CEP164: variants seen among roughly 807,000 people sequenced by gnomAD.
The protein encoded by CEP164 is centrosomal protein 164, also known as centrosomal protein of 164 kDa.
In CEP164, 162 loss-of-function variants were observed where a neutral mutation model predicts 182.7. The observed-to-expected ratio is 0.89, with a 90% CI of 0.78 to 1.01. CEP164 has a LOEUF of 1.01. CEP164 is among the 50% of genes least tolerant of loss of function. The probability of loss-of-function intolerance (pLI) is 0.00; values close to 1 mark genes in which losing one functional copy is unlikely to be tolerated. For synonymous variants in CEP164, 661 were observed against 690.0 expected (o/e 0.96, Z 0.66); for missense variants, 1,735 against 1,790.4 (o/e 0.97, Z 0.56).
intron 12 of CEP164, 148 bp downstream of exon 12, chr11:117,380,853 G>C: frequency 1.5e-6 from 1 of 670,620 alleles, no homozygotes; most frequent in South Asian, 1.8e-5. Context: ...TGCAGGGTCT[G>C]TGTGTGCACA....
Position 117,409,921 on chromosome 11 carries a change from C to T in CEP164, c.4052C>T (p.Thr1351Met), listed in dbSNP as rs199830715. 1.6e-5 allele frequency: 26 copies of T among 1,613,778 alleles called. 1 individual carries two copies. The highest frequency in any genetic ancestry group is 8.8e-5 in the South Asian group (8 of 91,086). ...AGGCTCCCCTCCTCTGTGGCTCAAACGGTGGACGACTTCCTGTTGGAGAAG... is the reference window on the plus strand; with the variant it reads ...AGGCTCCCCTCCTCTGTGGCTCAAATGGTGGACGACTTCCTGTTGGAGAAG... ...GPRLPSSVAQ[T>M]VDDFLLEKWR... Residue 1351 changes from threonine (T) to methionine (M), a missense_variant, in exon 30 of 33, where the codon ACG becomes ATG. By Grantham distance (81) the Thr-to-Met change is moderately conservative. Coordinates refer to ENST00000278935, the MANE Select transcript of CEP164 (RefSeq NM_014956.5). This position sits in a 1 kb window ranked among gnomAD's most constrained non-coding sequence, Gnocchi z 4.4.
At chr11:117,396,521 CAG>C in intron 25 of CEP164, 27 bp from the exon 26 acceptor site, 1 of 1,594,460 alleles carries the variant, frequency 6.3e-7, no homozygotes, top group Non-Finnish European at 8.6e-7. Context: ...TTGCTACACT[CAG>C]TGGACTTTTC....
intron 8 of CEP164, among the ~76,000 whole-genome samples, chr11:117,370,347 T>C (rs2042081195): frequency 6.6e-6 from 1 of 152,190 alleles, no homozygotes; most frequent in East Asian, 1.9e-4. Flanking sequence ...AATAGAAAAT[T>C]GAGACTTTGC....
chr11:117,367,510 G>A (rs2041775260), intron 8 of CEP164, among the ~76,000 whole-genome samples: 1 of 152,174 alleles, frequency 6.6e-6, no homozygotes, highest in Admixed American at 6.5e-5. Flanking sequence ...TGTAAGAATG[G>A]GAATCTCTCT....
At chr11:117,373,698 A>G in intron 9 of CEP164, 53 bp from the exon 10 acceptor site, 2 of 1,511,896 alleles carry the variant, frequency 1.3e-6, no homozygotes, top group South Asian at 2.3e-5. Context: ...GGTAGGGACC[A>G]TGACTCTTTG....
intron 1 of CEP164, among the ~76,000 whole-genome samples, chr11:117,331,778 ACT>A (rs1264658790): frequency 1.4e-5 from 2 of 147,608 alleles, no homozygotes; most frequent in African/African-American, 5.0e-5. Context: ...ATAGGGTCTC[ACT>A]CTGTTGCCCA....
Position 117,391,356 on chromosome 11 carries a change from C to T in CEP164, c.2283+141C>T, listed in dbSNP as rs1039100529. 6.7e-6 allele frequency: 5 copies of T among 742,414 alleles called. No individual in the cohort carries two copies. In the African/African-American group the frequency reaches 7.0e-5, roughly 10 times the overall value. 46.0% of individuals were successfully genotyped at this position (742,414 alleles called of 1,614,324 possible). ...CCAGGTGGAGAGTAGGTCTCACACA[C>T]ACAGGCATGGGAGACAGCGAGATGA... On this transcript the variant is annotated intron_variant, in intron 17 of 32. Transcript: ENST00000278935.
chr11:117,331,981 A>AATATATATATATATAT (rs56696952), intron 1 of CEP164, among the ~76,000 whole-genome samples: 7 of 142,316 alleles, frequency 4.9e-5, no homozygotes, highest in African/African-American at 1.8e-4. Flanking sequence ...ATGCCTGGCT[A>AATATATATATATATAT]ATATATATAT....
rs1163979454 is a variant in CEP164, at chr11:117,354,895, GTCTTCGTTT to G, written c.393+2911_393+2919del. On this transcript the variant is annotated intron_variant, in intron 5 of 32. Transcript: ENST00000278935. ...AGCAAGTGTAAATCAGAAGTGCTTT[GTCTTCGTTT>G]TCTCTGCATGTTTATATACCCATCT... The G allele has an allele frequency of 2.4e-6, 3 of 1,227,280 alleles. No homozygotes were observed. In the South Asian group the frequency reaches 4.2e-5, roughly 17 times the overall value. 76.0% of individuals were successfully genotyped at this position (1,227,280 alleles called of 1,614,324 possible).
chr11:117,409,974 C>T lies in CEP164; in HGVS notation c.4096+9C>T, dbSNP rs2047148095. On this transcript the variant is annotated intron_variant, in intron 30 of 32. Transcript: ENST00000278935. This position sits in a 1 kb window ranked among gnomAD's most constrained non-coding sequence, Gnocchi z 4.4. ...GCGCAAGTATTTTCCATGTAAGCCC[C>T]ACTCTGGGCGGAGCCTTCCCACCTG... 2 of 1,613,526 alleles carry T rather than the reference C, an allele frequency of 1.2e-6. No homozygotes were observed. The highest frequency in any genetic ancestry group is 1.7e-6 in the Non-Finnish European group (2 of 1,179,620).
rs950712904 is a variant in CEP164 at position 117,409,195 on chromosome 11, G to A, written c.3748+167G>A. ...GCTGGGAAGGAATCACACCATCTAGGTTTGCCAGCACGTGGGGCTGAAAGG... is the reference window on the plus strand; with the variant it reads ...GCTGGGAAGGAATCACACCATCTAGATTTGCCAGCACGTGGGGCTGAAAGG... On this transcript the variant is annotated intron_variant, in intron 29 of 32. Transcript: ENST00000278935. The surrounding 1 kb of genome is among the most constrained non-coding windows in gnomAD (Gnocchi z 4.4). 1.1e-5 allele frequency: 10 copies of A among 916,996 alleles called. No individual in the cohort carries two copies. The highest frequency in any genetic ancestry group is 1.6e-5 in the Non-Finnish European group (10 of 618,022). 56.8% of individuals were successfully genotyped at this position (916,996 alleles called of 1,614,324 possible). A position where few individuals can be genotyped will look rare whatever the true frequency, so the allele number is the denominator to read the frequency against.
intron 5 of CEP164, among the ~76,000 whole-genome samples, chr11:117,352,397 G>C (rs532668097): frequency 6.6e-6 from 1 of 152,266 alleles, no homozygotes; most frequent in East Asian, 1.9e-4. Flanking sequence ...GGCCTCCCTA[G>C]TGTGGGTTCC....
intron 27 of CEP164, among the ~76,000 whole-genome samples, chr11:117,401,846 G>A (rs945588390): frequency 6.6e-6 from 1 of 151,996 alleles, no homozygotes; most frequent in Non-Finnish European, 1.5e-5. Context: ...TTTTTATTGT[G>A]TCTATTTGAT....
At chr11:117,370,682 G>A (rs538823572) in intron 8 of CEP164, among the ~76,000 whole-genome samples, 7 of 152,240 alleles carry the variant, frequency 4.6e-5, no homozygotes, top group South Asian at 4.1e-4. Flanking sequence ...AGGCTGAGGC[G>A]GGTGGATTGC....
intron 13 of CEP164, among the ~76,000 whole-genome samples, chr11:117,382,547 G>C (rs540242315): frequency 3.3e-5 from 5 of 152,304 alleles, no homozygotes; most frequent in Non-Finnish European, 7.4e-5. Context: ...CTGAACACCT[G>C]CTGTGTACGG....
upstream of CEP164, among the ~76,000 whole-genome samples, chr11:117,324,691 A>G (rs938969861): frequency 4.6e-5 from 7 of 152,140 alleles, no homozygotes; most frequent in African/African-American, 1.2e-4. Context: ...ACAAGAGTTA[A>G]GCATTTGGAT....
chr11:117,390,716 A>G, intron 15 of CEP164, 61 bp from the exon 16 acceptor site: 1 of 1,604,762 alleles, frequency 6.2e-7, no homozygotes, highest in Non-Finnish European at 8.5e-7. Flanking sequence ...GCCATAGCTT[A>G]TGAATAGAAG....
intron 4 of CEP164, among the ~76,000 whole-genome samples, chr11:117,345,824 A>T (rs969074149): frequency 3.3e-5 from 5 of 151,982 alleles, no homozygotes; most frequent in South Asian, 2.1e-4. Flanking sequence ...AGTAGCTGGG[A>T]TTACAGGCAT....
intron 8 of CEP164, among the ~76,000 whole-genome samples, chr11:117,365,129 G>T (rs1464734209): frequency 6.6e-6 from 1 of 152,230 alleles, no homozygotes; most frequent in East Asian, 1.9e-4. Context: ...GGTTGACCAT[G>T]TATAGGACTA....
Sources: gnomAD v4.1 joint callset for allele counts (sites outside exome capture counted in the v4.1 genomes callset) on GRCh38, gnomAD v4.1.1 for gene constraint, Gnocchi (gnomAD v3.1) non-coding constraint, MANE v1.5 for transcripts, NCBI Gene and HGNC (gene_info 2026-07-23, HGNC 2026-07-21) for gene names.